Variants in ZNF516 observed in about 807,000 individuals in gnomAD.
ZNF516 encodes zinc finger protein 516.
ZNF516 carries 19 observed loss-of-function variants against 79.7 expected under a neutral mutation model. The ratio of observed to expected loss-of-function variants is 0.24; its 90% CI spans 0.17 to 0.35. ZNF516 has a LOEUF of 0.35. Ranked by LOEUF, ZNF516 falls within the 10% of genes least tolerant of loss-of-function variation. The pLI, the probability that ZNF516 is intolerant of heterozygous loss-of-function variation, is 1.00. For synonymous variants in ZNF516, 877 were observed against 739.5 expected (o/e 1.19, Z -3.02); for missense variants, 1,678 against 1,679.5 (o/e 1.00, Z 0.02).
At chr18:76,484,458 T>G (rs1914713299) in intron 1 of ZNF516, among the ~76,000 whole-genome samples, 1 of 152,106 alleles carries the variant, frequency 6.6e-6, no homozygotes. Flanking sequence ...AATGTAACAC[T>G]CCTAACGATA....
chr18:76,446,419 G>A (rs1019282935), intron 2 of ZNF516, among the ~76,000 whole-genome samples: 1 of 152,180 alleles, frequency 6.6e-6, no homozygotes, highest in Non-Finnish European at 1.5e-5. Context: ...ATCTAGCCCA[G>A]CTCAGCAGCA....
chr18:76,433,587 C>T (rs1310397893), intron 3 of ZNF516, among the ~76,000 whole-genome samples: 1 of 152,158 alleles, frequency 6.6e-6, no homozygotes. Context: ...TGAGTCTGGG[C>T]ATAGCATCCG....
rs1200037794 is a variant in ZNF516 at position 76,467,824 on chromosome 18, C to T, written c.-271-4683G>A. Among the ~76,000 whole-genome samples the T allele has an allele frequency of 2.6e-5, 4 of 152,336 alleles. No homozygotes were observed. The highest frequency in any genetic ancestry group is 1.9e-4 in the East Asian group (1 of 5,188). ...ACCAAATAAATTCAAGTCCAGTTAT[C>T]GAATAACTACATGCATCCCATCCCG... is the stretch of plus-strand genomic sequence containing the variant. On this transcript the variant is annotated intron_variant, in intron 1 of 6. Coordinates refer to ENST00000443185, the MANE Select transcript of ZNF516 (RefSeq NM_014643.4). This position sits in a 1 kb window ranked among gnomAD's most constrained non-coding sequence, Gnocchi z 4.2.
upstream of ZNF516, chr18:76,495,578 C>T (rs1413204057): frequency 3.2e-6 from 1 of 309,620 alleles, no homozygotes; most frequent in Non-Finnish European, 6.0e-6. Context: ...AATTCCTCCC[C>T]TAATAGCACT....
chr18:76,455,223 G>A (rs1912649086), intron 2 of ZNF516, among the ~76,000 whole-genome samples: 1 of 152,152 alleles, frequency 6.6e-6, no homozygotes. Flanking sequence ...AGTCCGTTTG[G>A]TCACAGAAGG....
chr18:76,492,079 C>A, intron 1 of ZNF516: 1 of 849,600 alleles, frequency 1.2e-6, no homozygotes, highest in Non-Finnish European at 1.4e-6. Context: ...TGGACGAGGT[C>A]CCTCCCAGGG....
At chr18:76,492,875 G>C in intron 1 of ZNF516, 1 of 985,732 alleles carries the variant, frequency 1.0e-6, no homozygotes, top group Non-Finnish European at 1.2e-6. Flanking sequence ...GAATAAAAGC[G>C]TGTCCACGTC....
rs1418546830 is a variant in ZNF516 at position 76,493,314 on chromosome 18, G to C, written c.-272+1830C>G. 3.5e-5 allele frequency: 5 copies of C among 143,404 alleles called. No individual in the cohort carries two copies. The Admixed American group carries it at 4.3e-4, about 12-fold the overall frequency. 8.9% of individuals were successfully genotyped at this position (143,404 alleles called of 1,614,324 possible). ...AGGGAGCTCCGAGAAAGAAGGAGGGGTCATTCCGCGGGGGGCGGGGGGGGG... is the reference window on the plus strand; with the variant it reads ...AGGGAGCTCCGAGAAAGAAGGAGGGCTCATTCCGCGGGGGGCGGGGGGGGG... On this transcript the variant is annotated intron_variant, in intron 1 of 6. Coordinates refer to ENST00000443185, the MANE Select transcript of ZNF516 (RefSeq NM_014643.4). This position sits in a 1 kb window ranked among gnomAD's most constrained non-coding sequence, Gnocchi z 5.2.
chr18:76,380,276 G>T lies in ZNF516; in HGVS notation c.1838C>A (p.Ser613Tyr). The change falls in exon 4 of 7, where the codon TCC (serine) becomes TAC (tyrosine). Residue 613 changes from serine to tyrosine, a missense_variant. Transcript: ENST00000443185. ...PGGQPRRCCF[S>Y]EEVTSTELSS... is the part of the protein sequence containing the mutation. ...GAGCTCGGTCGAAGTCACCTCTTCG[G>T]AAAAGCAGCAGCGGCGCGGCTGTCC... is the stretch of plus-strand genomic sequence containing the variant. The T allele has an allele frequency of 2.5e-6, 4 of 1,613,652 alleles. No individual in the cohort carries two copies. The highest frequency in any genetic ancestry group is 3.4e-6 in the Non-Finnish European group (4 of 1,179,708).
intron 1 of ZNF516, among the ~76,000 whole-genome samples, chr18:76,483,873 C>T (rs564106139): frequency 3.2e-4 from 49 of 152,312 alleles, no homozygotes; most frequent in African/African-American, 1.2e-3. Context: ...CACGTTCCTC[C>T]TTGAGCGCTG....
chr18:76,456,374 T>C (rs753137785), intron 2 of ZNF516, among the ~76,000 whole-genome samples: 12 of 152,222 alleles, frequency 7.9e-5, no homozygotes, highest in Non-Finnish European at 1.8e-4. Context: ...CCCCAAAATC[T>C]TGCTTCCATT....
At position 76,443,226 on chromosome 18, in the gene ZNF516, G is replaced by T; in HGVS notation, c.-157-15C>A. 1 of 995,616 alleles carries T rather than the reference G, an allele frequency of 1.0e-6. No individual in the cohort carries two copies. The highest frequency in any genetic ancestry group is 1.4e-6 in the Non-Finnish European group (1 of 709,110). 61.7% of individuals were successfully genotyped at this position (995,616 alleles called of 1,614,324 possible). On this transcript the variant is annotated splice_polypyrimidine_tract_variant and intron_variant, in intron 2 of 6. Transcript: ENST00000443185. ...GCAGCCAGCACCTGAAACAGAGATGGAACATCATCAGCAAAGCTCCTGGCT... is the reference window on the plus strand; with the variant it reads ...GCAGCCAGCACCTGAAACAGAGATGTAACATCATCAGCAAAGCTCCTGGCT...
intron 1 of ZNF516, among the ~76,000 whole-genome samples, chr18:76,488,520 T>TGGAGGG (rs1423736527): frequency 6.6e-5 from 5 of 76,254 alleles, no homozygotes; most frequent in South Asian, 3.5e-4. Context: ...TCTAGAACTT[T>TGGAGGG]TGAGGGGGAG....
chr18:76,491,398 G>A (rs1181580865), intron 1 of ZNF516, among the ~76,000 whole-genome samples: 1 of 108,962 alleles, frequency 9.2e-6, no homozygotes, highest in African/African-American at 3.5e-5. Context: ...CGCCCCCGCC[G>A]GCTCCCCCCG....
At chr18:76,433,011 A>G (rs946667489) in intron 3 of ZNF516, among the ~76,000 whole-genome samples, 2 of 152,214 alleles carry the variant, frequency 1.3e-5, no homozygotes, top group Non-Finnish European at 2.9e-5. Flanking sequence ...ACCTGGCCGC[A>G]CATCCTGAGT....
intron 1 of ZNF516, among the ~76,000 whole-genome samples, chr18:76,487,111 G>A (rs1285484025): frequency 2.6e-5 from 4 of 152,154 alleles, no homozygotes; most frequent in African/African-American, 7.2e-5. Context: ...TTGAATTAAA[G>A]ATTAAATGCC....
chr18:76,378,107 G>A (rs2074817011), intron 4 of ZNF516: 1 of 152,190 alleles, frequency 6.6e-6, no homozygotes, highest in Non-Finnish European at 1.5e-5. Flanking sequence ...CAGAACTTAG[G>A]TTTGTGTTCT....
intron 2 of ZNF516, among the ~76,000 whole-genome samples, chr18:76,461,415 C>G (rs894197348): frequency 3.3e-5 from 5 of 152,188 alleles, no homozygotes; most frequent in Admixed American, 3.3e-4. Context: ...TCTGCTGCCT[C>G]CCTGACCAAG....
At chr18:76,401,998 C>T (rs182480134) in intron 3 of ZNF516, among the ~76,000 whole-genome samples, 1,634 of 149,268 alleles carry the variant, frequency 0.011, 31 homozygotes, top group African/African-American at 0.038. Context: ...TGTGTACGCG[C>T]GTGTGTACAC....
Sources: gnomAD v4.1 joint callset for allele counts (sites outside exome capture counted in the v4.1 genomes callset) on GRCh38, gnomAD v4.1.1 for gene constraint, Gnocchi (gnomAD v3.1) non-coding constraint, MANE v1.5 for transcripts, NCBI Gene and HGNC (gene_info 2026-07-23, HGNC 2026-07-21) for gene names.